DYNC2H1: variants seen among roughly 807,000 people sequenced by gnomAD.
DYNC2H1 encodes the protein cytoplasmic dynein 2 heavy chain 1.
DYNC2H1 carries 410 observed loss-of-function variants against 570.0 expected under a neutral mutation model. The ratio of observed to expected loss-of-function variants is 0.72; its 90% confidence interval spans 0.66 to 0.78. DYNC2H1 has a LOEUF of 0.78. DYNC2H1 is among the 30% of genes least tolerant of loss of function. The probability of loss-of-function intolerance (pLI) is 0.00; values close to 1 mark genes in which losing one functional copy is unlikely to be tolerated. For missense variants in DYNC2H1, 4,865 were observed against 5,046.4 expected (o/e 0.96, Z 1.09); for synonymous variants, 1,688 against 1,677.6 (o/e 1.01, Z -0.15).
Position 103,192,164 on chromosome 11 carries a change from T to A in DYNC2H1, c.7608T>A (p.Arg2536=). The A allele has an allele frequency of 6.3e-7, 1 of 1,578,682 alleles. No individual in the cohort carries two copies. Among genetic ancestry groups the A allele is most frequent in the South Asian group, 1.2e-5 (1 of 84,776 alleles). ...IVAYEARRLF[R]DKIVGAKELH... ...CATATGAGGCACGGCGCTTATTTCG[T>A]GACAAAATTGTTGGTGCAAAGGAAC... The change falls in exon 47 of 89, where the codon CGT becomes CGA. Residue 2536 remains arginine (R), a synonymous_variant. Coordinates refer to ENST00000375735, the MANE Select transcript of DYNC2H1 (RefSeq NM_001377.3).
intron 59 of DYNC2H1, among the ~76,000 whole-genome samples, chr11:103,225,674 G>A (rs957567562): frequency 1.3e-5 from 2 of 152,124 alleles, no homozygotes; most frequent in Non-Finnish European, 2.9e-5. Flanking sequence ...ATAGTTTGAG[G>A]TTGGGTAATG....
At chr11:103,344,982 C>CT in intron 82 of DYNC2H1, among the ~76,000 whole-genome samples, 1 of 147,406 alleles carries the variant, frequency 6.8e-6, no homozygotes, top group Admixed American at 7.1e-5. Flanking sequence ...GTTTAAAACT[C>CT]TTTTTGTGGT....
rs17304215 is a variant in DYNC2H1, at chr11:103,256,488, A to T, written c.10461+248A>T. On this transcript the variant is annotated intron_variant, in intron 68 of 88. Coordinates refer to ENST00000375735, the MANE Select transcript of DYNC2H1 (RefSeq NM_001377.3). This position sits in a 1 kb window ranked among gnomAD's most constrained non-coding sequence, Gnocchi z 4.0. Reference sequence around the variant, plus strand: ...TTCTACTGATTTCTGGCATAATGTTATCTAAGGTAGAGCTGCAGTTTTGTA... The same window carrying T: ...TTCTACTGATTTCTGGCATAATGTTTTCTAAGGTAGAGCTGCAGTTTTGTA... Among the ~76,000 whole-genome samples, 13,470 of 152,204 alleles carry T rather than the reference A, an allele frequency of 0.088. 783 individuals are homozygous for T. Among genetic ancestry groups the T allele is most frequent in the Non-Finnish European group, 0.12 (8,136 of 67,974 alleles).
chr11:103,257,977 T>C (rs554974673), intron 69 of DYNC2H1, among the ~76,000 whole-genome samples: 1 of 152,218 alleles, frequency 6.6e-6, no homozygotes, highest in Non-Finnish European at 1.5e-5. Flanking sequence ...CAGTTTATGT[T>C]CTGAGTATAA....
chr11:103,280,272 G>A lies in DYNC2H1; in HGVS notation c.10696-76G>A, dbSNP rs377390475. On this transcript the variant is annotated intron_variant, in intron 70 of 88. Transcript: ENST00000375735. This position sits in a 1 kb window ranked among gnomAD's most constrained non-coding sequence, Gnocchi z 4.7. Reference sequence around the variant, plus strand: ...GAAGACAGAATAGAGATTTTTGTGTGCCAAATTTTAACGACTATGCTTTTC... The same window carrying A: ...GAAGACAGAATAGAGATTTTTGTGTACCAAATTTTAACGACTATGCTTTTC... 6 of 1,433,232 alleles carry A rather than the reference G, an allele frequency of 4.2e-6. No homozygotes were observed. Among genetic ancestry groups the A allele is most frequent in the Non-Finnish European group, 5.7e-6 (6 of 1,045,430 alleles). 88.8% of individuals were successfully genotyped at this position (1,433,232 alleles called of 1,614,324 possible).
chr11:103,209,859 T>A lies in DYNC2H1; in HGVS notation c.8455-17T>A. Reference sequence around the variant, plus strand: ...GGACTTATACTCTTTCATAGTGATATTCTTTTTATGTTTTAGATACCTGAA... The same window carrying A: ...GGACTTATACTCTTTCATAGTGATAATCTTTTTATGTTTTAGATACCTGAA... On this transcript the variant is annotated splice_polypyrimidine_tract_variant and intron_variant, in intron 52 of 88. Coordinates refer to ENST00000375735, the MANE Select transcript of DYNC2H1 (RefSeq NM_001377.3). This position sits in a 1 kb window ranked among gnomAD's most constrained non-coding sequence, Gnocchi z 4.2. The A allele has an allele frequency of 6.9e-7, 1 of 1,459,072 alleles. No individual in the cohort carries two copies. The highest frequency in any genetic ancestry group is 9.1e-7 in the Non-Finnish European group (1 of 1,103,090). 90.4% of individuals were successfully genotyped at this position (1,459,072 alleles called of 1,614,324 possible).
rs183534284 is a variant in DYNC2H1 at position 103,374,899 on chromosome 11, T to C, written c.12156+16540T>C. 1.6e-4 allele frequency among the ~76,000 whole-genome samples: 24 copies of C among 152,300 alleles called. No homozygotes were observed. The East Asian group carries it at 4.4e-3, about 28-fold the overall frequency. On this transcript the variant is annotated intron_variant, in intron 83 of 88. Transcript: ENST00000375735. ...AATTCAAACCAGCTATAGAAATTTGTATAATGAAGAGCCAAACACTAATTG... is the reference window on the plus strand; with the variant it reads ...AATTCAAACCAGCTATAGAAATTTGCATAATGAAGAGCCAAACACTAATTG...
chr11:103,430,521 G>A (rs919988943), intron 84 of DYNC2H1, among the ~76,000 whole-genome samples: 15 of 151,794 alleles, frequency 9.9e-5, no homozygotes, highest in African/African-American at 3.4e-4. Context: ...TCTTCCTAAT[G>A]TTGTTCTTCC....
chr11:103,114,442 A>C, intron 3 of DYNC2H1, among the ~76,000 whole-genome samples: 1 of 152,212 alleles, frequency 6.6e-6, no homozygotes, highest in Non-Finnish European at 1.5e-5. Flanking sequence ...TTGAGCCTCC[A>C]GAGTAGCTAG....
Position 103,256,187 on chromosome 11 carries a change from C to T in DYNC2H1, c.10408C>T (p.Leu3470Phe), listed in dbSNP as rs1865051287. The change falls in exon 68 of 89, where the codon CTT becomes TTT. Residue 3470 changes from leucine to phenylalanine, a missense_variant. Transcript: ENST00000375735. This position sits in a 1 kb window ranked among gnomAD's most constrained non-coding sequence, Gnocchi z 4.0. ...GAATCAGACAAAAGCAAGCAGTGCA[C>T]TTATTCAAGAGTCACTTAAAGAATC... is the stretch of plus-strand genomic sequence containing the variant. ...SLNQTKASSA[L>F]IQESLKESYK... is the part of the protein sequence containing the mutation. The T allele has an allele frequency of 2.5e-6, 4 of 1,608,680 alleles. No individual in the cohort carries two copies. Among genetic ancestry groups the T allele is most frequent in the South Asian group, 1.1e-5 (1 of 89,904 alleles).
At chr11:103,120,662 G>A (rs751212233) in intron 7 of DYNC2H1, 27 bp from the exon 8 acceptor site, 2 of 1,607,956 alleles carry the variant, frequency 1.2e-6, no homozygotes, top group East Asian at 2.2e-5. Context: ...AAATACTAAA[G>A]TCTAACAATG....
intron 79 of DYNC2H1, among the ~76,000 whole-genome samples, chr11:103,313,170 C>G (rs925518019): frequency 1.5e-4 from 23 of 152,128 alleles, no homozygotes; most frequent in Non-Finnish European, 2.9e-4. Flanking sequence ...TATGCCTTAC[C>G]ATAGTCCAGA....
chr11:103,141,513 C>G (rs1436477635), intron 17 of DYNC2H1, among the ~76,000 whole-genome samples: 2 of 152,182 alleles, frequency 1.3e-5, no homozygotes, highest in African/African-American at 2.4e-5. Flanking sequence ...GGCTACAGAA[C>G]AGCAGATTTT....
intron 17 of DYNC2H1, among the ~76,000 whole-genome samples, chr11:103,138,383 T>G (rs1046793419): frequency 1.3e-5 from 2 of 152,184 alleles, no homozygotes; most frequent in African/African-American, 4.8e-5. Flanking sequence ...ATAGCTCTTA[T>G]TATTTTGAGA....
intron 83 of DYNC2H1, among the ~76,000 whole-genome samples, chr11:103,362,853 A>C (rs1940721386): frequency 1.3e-5 from 2 of 152,014 alleles, no homozygotes; most frequent in Non-Finnish European, 2.9e-5. Flanking sequence ...AACATGGTGA[A>C]ACCCCCATCT....
intron 87 of DYNC2H1, among the ~76,000 whole-genome samples, chr11:103,459,973 A>AAAAAG (rs1944955261): frequency 6.6e-6 from 1 of 151,454 alleles, no homozygotes; most frequent in African/African-American, 2.4e-5. Flanking sequence ...AAAAAAGAAA[A>AAAAAG]AAAAAAAAAA....
intron 83 of DYNC2H1, among the ~76,000 whole-genome samples, chr11:103,387,103 T>G (rs1941918666): frequency 6.6e-6 from 1 of 152,280 alleles, no homozygotes; most frequent in East Asian, 1.9e-4. Flanking sequence ...TTGAACTAGT[T>G]TACAGTCCCA....
At chr11:103,400,669 T>G (rs1347453365) in intron 84 of DYNC2H1, among the ~76,000 whole-genome samples, 3 of 151,824 alleles carry the variant, frequency 2.0e-5, no homozygotes, top group African/African-American at 7.3e-5. Flanking sequence ...TTTTTTTTTT[T>G]CACGCCCCCT....
At chr11:103,193,344 A>T (rs1862393173) in intron 47 of DYNC2H1, among the ~76,000 whole-genome samples, 1 of 152,130 alleles carries the variant, frequency 6.6e-6, no homozygotes, top group African/African-American at 2.4e-5. Flanking sequence ...CTGAAAATTG[A>T]GTCAGTAGTG....
Sources: allele counts gnomAD v4.1 joint callset (sites outside exome capture counted in the v4.1 genomes callset), GRCh38; gene constraint gnomAD v4.1.1; non-coding constraint Gnocchi (gnomAD v3.1); transcripts MANE v1.5; gene names NCBI Gene and HGNC (gene_info 2026-07-23, HGNC 2026-07-21).